The following RALGPS1 variants were observed in gnomAD, a reference collection of about 807,000 sequenced individuals.
The protein encoded by RALGPS1 is Ral GEF with PH domain and SH3 binding motif 1.
Under a neutral mutation model 78.8 loss-of-function variants are expected in RALGPS1, and 19 were observed. The ratio of observed to expected loss-of-function variants is 0.24; its 90% CI spans 0.17 to 0.35. RALGPS1 has a LOEUF of 0.35. RALGPS1 is among the 10% of genes least tolerant of loss of function. The pLI is 1.00. For missense variants in RALGPS1, 454 were observed against 688.3 expected (o/e 0.66, Z 3.81); for synonymous variants, 228 against 256.3 (o/e 0.89, Z 1.06).
intron 1 of RALGPS1, among the ~76,000 whole-genome samples, chr9:126,947,198 C>T (rs1242174756): frequency 6.6e-6 from 1 of 152,118 alleles, no homozygotes; most frequent in Non-Finnish European, 1.5e-5. Flanking sequence ...TTACCAGAAA[C>T]AATTGCTGTC....
At chr9:127,164,360 C>T (rs533209282) in intron 8 of RALGPS1, among the ~76,000 whole-genome samples, 190 of 151,526 alleles carry the variant, frequency 1.3e-3, no homozygotes, top group Non-Finnish European at 2.5e-3. Context: ...TTCAGCCTCC[C>T]GAGTAGCTGG....
At chr9:127,128,985 G>T (rs1460540767) in intron 8 of RALGPS1, among the ~76,000 whole-genome samples, 1 of 152,208 alleles carries the variant, frequency 6.6e-6, no homozygotes, top group Non-Finnish European at 1.5e-5. Context: ...CAACTCACTT[G>T]CCAGGGGACC....
intron 8 of RALGPS1, among the ~76,000 whole-genome samples, chr9:127,136,817 C>T (rs765254160): frequency 4.6e-5 from 7 of 152,140 alleles, no homozygotes; most frequent in Admixed American, 6.5e-5. Context: ...AGGTCTGCCT[C>T]ACTCCAAACC....
At chr9:127,174,971 C>A (rs2059773480) in intron 11 of RALGPS1, among the ~76,000 whole-genome samples, 189 bp downstream of exon 11, 1 of 152,208 alleles carries the variant, frequency 6.6e-6, no homozygotes, top group Non-Finnish European at 1.5e-5. Flanking sequence ...TGTGGTTCCC[C>A]TCTGTGCCGG....
chr9:126,920,918 C>T (rs187328240), intron 1 of RALGPS1, among the ~76,000 whole-genome samples: 3 of 152,348 alleles, frequency 2.0e-5, no homozygotes, highest in East Asian at 3.9e-4. Context: ...CTGCCTCTGT[C>T]ACAGACAACC....
At chr9:126,927,338 A>AG (rs1444364943) in intron 1 of RALGPS1, among the ~76,000 whole-genome samples, 6 of 152,140 alleles carry the variant, frequency 3.9e-5, no homozygotes, top group Non-Finnish European at 8.8e-5. Flanking sequence ...AAGTCAGGGA[A>AG]GAAGCAAGAG....
intron 6 of RALGPS1, among the ~76,000 whole-genome samples, 195 bp downstream of exon 6, chr9:127,050,327 A>G (rs1164459578): frequency 6.6e-6 from 1 of 152,156 alleles, no homozygotes; most frequent in African/African-American, 2.4e-5. Context: ...CTAGCCCCCT[A>G]GCACCTTGTG....
At chr9:127,208,846 T>C (rs375961877) in intron 14 of RALGPS1, among the ~76,000 whole-genome samples, 11 of 152,328 alleles carry the variant, frequency 7.2e-5, no homozygotes, top group African/African-American at 2.6e-4. Context: ...ACGCACTGTC[T>C]CACGCAAAGG....
At chr9:127,101,493 G>C (rs759813683) in intron 8 of RALGPS1, among the ~76,000 whole-genome samples, 13 of 151,944 alleles carry the variant, frequency 8.6e-5, no homozygotes, top group Non-Finnish European at 1.5e-4. Flanking sequence ...CTCTATCCTT[G>C]ACCCTCCATC....
At chr9:127,214,922 T>C in intron 18 of RALGPS1, 80 bp downstream of exon 18, 2 of 1,588,792 alleles carry the variant, frequency 1.3e-6, no homozygotes, top group South Asian at 2.3e-5. Context: ...AAAACAGGGT[T>C]CCCTTCTTCT....
intron 11 of RALGPS1, 34 bp from the exon 12 acceptor site, chr9:127,195,057 A>AC (rs776235861): frequency 3.1e-6 from 5 of 1,608,232 alleles, no homozygotes; most frequent in Admixed American, 1.7e-5. Flanking sequence ...TCCCATCATA[A>AC]CCCCCGTTGT....
intron 1 of RALGPS1, among the ~76,000 whole-genome samples, chr9:126,943,432 C>T (rs185686376): frequency 2.0e-5 from 3 of 152,300 alleles, no homozygotes; most frequent in Non-Finnish European, 2.9e-5. Context: ...CGTGAACCAC[C>T]GTGCCTGGCC....
At position 127,183,661 on chromosome 9, in the gene RALGPS1, T is replaced by C. The variant is rs1025712456; in HGVS notation, c.910+8879T>C. On this transcript the variant is annotated intron_variant, in intron 11 of 18. Coordinates refer to ENST00000259351, the MANE Select transcript of RALGPS1 (RefSeq NM_014636.3). The surrounding 1 kb of genome is among the most constrained non-coding windows in gnomAD (Gnocchi z 4.0). ...GCAGGGGGTCTGTGGAGACTCCGCC[T>C]GACTATGTGTGAGTAGAAAAAGAGA... Among the ~76,000 whole-genome samples, 5 of 152,074 alleles carry C rather than the reference T, an allele frequency of 3.3e-5. No homozygotes were observed. The highest frequency in any genetic ancestry group is 3.3e-4 in the Admixed American group (5 of 15,274).
chr9:126,953,366 C>T (rs1049024962), intron 1 of RALGPS1, among the ~76,000 whole-genome samples: 2 of 149,292 alleles, frequency 1.3e-5, no homozygotes, highest in African/African-American at 2.4e-5. Context: ...TGCATGTACA[C>T]GTGCATGCGT....
intron 8 of RALGPS1, among the ~76,000 whole-genome samples, chr9:127,096,466 C>T (rs2053154497): frequency 6.6e-6 from 1 of 152,152 alleles, no homozygotes; most frequent in African/African-American, 2.4e-5. Flanking sequence ...AGGACTGCTG[C>T]AGAATTGTCA....
chr9:127,174,279 AAGAAAGAAAG>A (rs63568661), intron 10 of RALGPS1, among the ~76,000 whole-genome samples: 14,755 of 150,066 alleles, frequency 0.098, 1,758 homozygotes, highest in African/African-American at 0.28. Flanking sequence ...GAGAGAGAGA[AAGAAAGAAAG>A]AGAAAGAAAG....
At chr9:127,196,800 C>A (rs879158408) in intron 13 of RALGPS1, among the ~76,000 whole-genome samples, 169 bp downstream of exon 13, 3 of 152,240 alleles carry the variant, frequency 2.0e-5, no homozygotes, top group Admixed American at 6.5e-5. Context: ...TCGCCCAGAC[C>A]CAGGGAAACC....
intron 4 of RALGPS1, among the ~76,000 whole-genome samples, chr9:127,024,116 T>C (rs964340280): frequency 3.2e-4 from 48 of 150,904 alleles, no homozygotes; most frequent in African/African-American, 8.8e-4. Context: ...TTGACACTGA[T>C]AGGTTATAAG....
intron 11 of RALGPS1, among the ~76,000 whole-genome samples, chr9:127,190,544 A>G (rs888564316): frequency 6.6e-6 from 1 of 152,110 alleles, no homozygotes; most frequent in Non-Finnish European, 1.5e-5. Flanking sequence ...AGGCTGAAAC[A>G]TAAGTTTTTA....
Sources: allele counts gnomAD v4.1 joint callset (sites outside exome capture counted in the v4.1 genomes callset), GRCh38; gene constraint gnomAD v4.1.1; non-coding constraint Gnocchi (gnomAD v3.1); transcripts MANE v1.5; gene names NCBI Gene and HGNC (gene_info 2026-07-23, HGNC 2026-07-21).